SPTBN1: variants seen among roughly 807,000 people sequenced by gnomAD.
The protein encoded by SPTBN1 is spectrin beta chain, non-erythrocytic 1.
SPTBN1 carries 32 observed loss-of-function variants against 266.4 expected under a neutral mutation model. The observed-to-expected ratio is 0.12, with a 90% CI of 0.09 to 0.16. SPTBN1 has a LOEUF of 0.16. Among genes scored for constraint, SPTBN1 ranks in the 10% least tolerant of loss-of-function variants. SPTBN1 has a pLI of 1.00. For missense variants in SPTBN1, 2,296 were observed against 3,067.1 expected (o/e 0.75, Z 5.94); for synonymous variants, 1,336 against 1,162.2 (o/e 1.15, Z -3.04).
At position 54,664,212 on chromosome 2, in the gene SPTBN1, G is replaced by T. The variant is rs1681228315; in HGVS notation, c.6421-241G>T. Reference sequence around the variant, plus strand: ...TTATTGATCAGAGGAATAGAGTGCAGTAAAACTCATACTGGCATTTCGCTT... The same window carrying T: ...TTATTGATCAGAGGAATAGAGTGCATTAAAACTCATACTGGCATTTCGCTT... On this transcript the variant is annotated intron_variant, in intron 32 of 35. Transcript: ENST00000356805. The surrounding 1 kb of genome is among the most constrained non-coding windows in gnomAD (Gnocchi z 5.6). 16 of 493,316 alleles carry T rather than the reference G, an allele frequency of 3.2e-5. No homozygotes were observed. In the South Asian group the frequency reaches 5.2e-4, roughly 16 times the overall value. 30.6% of individuals were successfully genotyped at this position (493,316 alleles called of 1,614,324 possible).
rs529371050 is a variant in SPTBN1 at position 54,638,784 on chromosome 2, G to A, written c.3858+981G>A. 2.0e-4 allele frequency among the ~76,000 whole-genome samples: 30 copies of A among 151,862 alleles called. No individual in the cohort carries two copies. In the East Asian group the frequency reaches 5.4e-3, roughly 27 times the overall value. ...GCTGCAGGAACCTTGATGGGGCTAA[G>A]AGTATGGGGGTAGAATCAGGTCATA... On this transcript the variant is annotated intron_variant, in intron 18 of 35. Transcript: ENST00000356805.
At chr2:54,633,733 A>G (rs980535682) in intron 17 of SPTBN1, among the ~76,000 whole-genome samples, 27 of 152,272 alleles carry the variant, frequency 1.8e-4, no homozygotes, top group African/African-American at 6.5e-4. Context: ...TGGAAAGGAA[A>G]AATATTCCTT....
At chr2:54,622,856 G>A (rs1162508160) in intron 9 of SPTBN1, among the ~76,000 whole-genome samples, 1 of 152,118 alleles carries the variant, frequency 6.6e-6, no homozygotes, top group Non-Finnish European at 1.5e-5. Flanking sequence ...TGGGACTAAG[G>A]CAATAGCCCA....
At chr2:54,522,630 C>CAAAAAAAA (rs72506677) in intron 1 of SPTBN1, among the ~76,000 whole-genome samples, 1 of 113,738 alleles carries the variant, frequency 8.8e-6, no homozygotes, top group Non-Finnish European at 1.9e-5. Flanking sequence ...GACTCTGTCT[C>CAAAAAAAA]AAAAAGAAAG....
intron 1 of SPTBN1, among the ~76,000 whole-genome samples, chr2:54,499,167 G>A (rs1669124823): frequency 6.6e-6 from 1 of 152,036 alleles, no homozygotes; most frequent in Non-Finnish European, 1.5e-5. Context: ...AGATGACAGT[G>A]ATAATTCTTG....
At chr2:54,594,618 T>C (rs1675926222) in intron 2 of SPTBN1, among the ~76,000 whole-genome samples, 2 of 152,132 alleles carry the variant, frequency 1.3e-5, no homozygotes, top group African/African-American at 4.8e-5. Flanking sequence ...ATGCTATAAT[T>C]ATATTTTAAT....
Position 54,649,509 on chromosome 2 carries a change from G to C in SPTBN1, c.5203-106G>C. ...TGTTCTGAAGTCATGAGTATTATTG[G>C]CTACATCTTGCTTAGAGGCAGTTTC... On this transcript the variant is annotated intron_variant, in intron 25 of 35. Coordinates refer to ENST00000356805, the MANE Select transcript of SPTBN1 (RefSeq NM_003128.3). This position sits in a 1 kb window ranked among gnomAD's most constrained non-coding sequence, Gnocchi z 6.7. 1 of 1,465,904 alleles carries C rather than the reference G, an allele frequency of 6.8e-7. No homozygotes were observed. Among genetic ancestry groups the C allele is most frequent in the Non-Finnish European group, 9.1e-7 (1 of 1,096,284 alleles). The allele number at this position is 1,465,904 out of a possible 1,614,324, so 90.8% of individuals were successfully genotyped here. A position where few individuals can be genotyped will look rare whatever the true frequency, so the allele number is the denominator to read the frequency against.
At chr2:54,456,601 A>T (rs1388242383) in intron 1 of SPTBN1, 83 bp downstream of exon 1, 1 of 151,478 alleles carries the variant, frequency 6.6e-6, no homozygotes, top group Non-Finnish European at 1.5e-5. Context: ...GACGGGCGGG[A>T]GGAGGGGCGC....
chr2:54,457,141 C>T (rs1470787271), intron 1 of SPTBN1: 3 of 111,290 alleles, frequency 2.7e-5, no homozygotes, highest in African/African-American at 1.1e-4. Context: ...CGCTTGCTAC[C>T]CTCGTGCGCC....
chr2:54,539,256 A>G (rs532206983), intron 2 of SPTBN1, among the ~76,000 whole-genome samples: 1 of 152,090 alleles, frequency 6.6e-6, no homozygotes, highest in Non-Finnish European at 1.5e-5. Flanking sequence ...AGACTGAAGA[A>G]CTCATTCATG....
At chr2:54,655,336 T>A in intron 28 of SPTBN1, 128 bp downstream of exon 28, 2 of 1,256,350 alleles carry the variant, frequency 1.6e-6, no homozygotes, top group Non-Finnish European at 2.2e-6. Flanking sequence ...GTTTTAAAAC[T>A]CCTTTCCTGT....
chr2:54,623,546 C>G lies in SPTBN1; in HGVS notation c.1132C>G (p.Gln378Glu), dbSNP rs1678129931. 6.2e-7 allele frequency: 1 copy of G among 1,614,058 alleles called. No homozygotes were observed. The highest frequency in any genetic ancestry group is 1.1e-5 in the South Asian group (1 of 91,086). ...TIQSKMRANN[Q>E]KVYMPREGKL... ...TCAGAGCAAGATGAGGGCCAACAACCAGAAGGTCTACATGCCCCGGGAGGG... is the reference window on the plus strand; with the variant it reads ...TCAGAGCAAGATGAGGGCCAACAACGAGAAGGTCTACATGCCCCGGGAGGG... The change falls in exon 10 of 36, where the codon CAG becomes GAG. Residue 378 changes from glutamine to glutamate, a missense_variant. Gln to Glu is a conservative substitution (Grantham distance 29). This residue lies in a region of SPTBN1 where 148 missense variants were observed against 203.8 expected (regional missense o/e 0.73). Coordinates refer to ENST00000356805, the MANE Select transcript of SPTBN1 (RefSeq NM_003128.3).
chr2:54,645,540 C>T lies in SPTBN1; in HGVS notation c.4494+87C>T, dbSNP rs749473319. ...CACATTCTCACTTCTCAGTCATCCT[C>T]ACCTTGGGCCACGTTGGCAAGCTGA... On this transcript the variant is annotated intron_variant, in intron 21 of 35. Coordinates refer to ENST00000356805, the MANE Select transcript of SPTBN1 (RefSeq NM_003128.3). The surrounding 1 kb of genome is among the most constrained non-coding windows in gnomAD (Gnocchi z 4.3). The T allele has an allele frequency of 2.4e-5, 34 of 1,408,744 alleles. No homozygotes were observed. Among genetic ancestry groups the T allele is most frequent in the Non-Finnish European group, 3.0e-5 (31 of 1,034,122 alleles). 87.3% of individuals were successfully genotyped at this position (1,408,744 alleles called of 1,614,324 possible). A position where few individuals can be genotyped will look rare whatever the true frequency, so the allele number is the denominator to read the frequency against.
chr2:54,555,393 C>A (rs1672809255), intron 2 of SPTBN1, among the ~76,000 whole-genome samples: 1 of 152,214 alleles, frequency 6.6e-6, no homozygotes, highest in Non-Finnish European at 1.5e-5. Context: ...CCCCTCTAGC[C>A]AGATGTAAAA....
chr2:54,558,610 T>C lies in SPTBN1; in HGVS notation c.148+32044T>C. ...AACTCCTCGCGGAGCTAAGGTGGAC[T>C]CTCTTGCAGCCAACTTCCCATCAGA... On this transcript the variant is annotated intron_variant, in intron 2 of 35. Coordinates refer to ENST00000356805, the MANE Select transcript of SPTBN1 (RefSeq NM_003128.3). This position sits in a 1 kb window ranked among gnomAD's most constrained non-coding sequence, Gnocchi z 4.6. 1 of 1,421,048 alleles carries C rather than the reference T, an allele frequency of 7.0e-7. No individual in the cohort carries two copies. The allele number at this position is 1,421,048 out of a possible 1,614,324, so 88.0% of individuals were successfully genotyped here. A position where few individuals can be genotyped will look rare whatever the true frequency, so the allele number is the denominator to read the frequency against.
chr2:54,460,279 C>T (rs1471660275), intron 1 of SPTBN1, among the ~76,000 whole-genome samples: 1 of 152,198 alleles, frequency 6.6e-6, no homozygotes, highest in Non-Finnish European at 1.5e-5. Context: ...CTTTCTTTTG[C>T]TGAAGTATCA....
At chr2:54,481,844 T>G (rs1163318976) in intron 1 of SPTBN1, among the ~76,000 whole-genome samples, 1 of 152,208 alleles carries the variant, frequency 6.6e-6, no homozygotes, top group African/African-American at 2.4e-5. Context: ...CTGGTAACTT[T>G]CCAGAAAATG....
intron 1 of SPTBN1, among the ~76,000 whole-genome samples, chr2:54,515,532 A>C (rs1670066456): frequency 6.6e-6 from 1 of 151,406 alleles, no homozygotes; most frequent in Non-Finnish European, 1.5e-5. Context: ...TAGATTATTT[A>C]TTTATTTATT....
At position 54,670,552 on chromosome 2, in the gene SPTBN1, G is replaced by A. The variant is rs2104292949; in HGVS notation, c.*1983G>A. The A allele has an allele frequency of 2.5e-6, 1 of 396,606 alleles. No homozygotes were observed. The highest frequency in any genetic ancestry group is 3.6e-5 in the East Asian group (1 of 28,036). The allele number at this position is 396,606 out of a possible 1,614,324, so 24.6% of individuals were successfully genotyped here. A position where few individuals can be genotyped will look rare whatever the true frequency, so the allele number is the denominator to read the frequency against. On this transcript the variant is annotated 3_prime_UTR_variant, in exon 36 of 36. Transcript: ENST00000356805. ...CTTTGCCCTTGCCATGCTCAGGGTT[G>A]GAATCAAGTTGTTCTATTCTCAACA...
Sources: allele counts gnomAD v4.1 joint callset (sites outside exome capture counted in the v4.1 genomes callset), GRCh38; gene constraint gnomAD v4.1.1; regional missense constraint gnomAD v4.1.1; non-coding constraint Gnocchi (gnomAD v3.1); transcripts MANE v1.5; gene names NCBI Gene and HGNC (gene_info 2026-07-23, HGNC 2026-07-21).